GALK2: variants seen among roughly 807,000 people sequenced by gnomAD.
The protein encoded by GALK2 is N-acetylgalactosamine kinase.
In GALK2, 36 loss-of-function variants were observed where a neutral mutation model predicts 52.4. The ratio of observed to expected loss-of-function variants is 0.69; its 90% CI spans 0.53 to 0.91. The LOEUF (loss-of-function observed/expected upper bound fraction) is 0.91. Among genes scored for constraint, GALK2 ranks in the 40% least tolerant of loss-of-function variants. The pLI, the probability that GALK2 is intolerant of heterozygous loss-of-function variation, is 0.00. For synonymous variants in GALK2, 176 were observed against 199.1 expected, an observed-to-expected ratio of 0.88 and a Z score of 0.98; for missense variants, 579 against 559.1, an observed-to-expected ratio of 1.04 and a Z score of -0.36.
At chr15:49,348,693 A>G (rs1283373874) in intron 3 of GALK2, among the ~76,000 whole-genome samples, 1 of 152,172 alleles carries the variant, frequency 6.6e-6, no homozygotes, top group Admixed American at 6.5e-5. Context: ...ACACAAAATT[A>G]TTATCTGATC....
chr15:49,202,810 T>G (rs2087898231), intron 2 of GALK2, among the ~76,000 whole-genome samples: 1 of 152,226 alleles, frequency 6.6e-6, no homozygotes, highest in African/African-American at 2.4e-5. Context: ...TAATTTACTT[T>G]CCCACCAACA....
At chr15:49,299,784 T>A (rs4479173) in intron 8 of GALK2, among the ~76,000 whole-genome samples, 7 of 140,160 alleles carry the variant, frequency 5.0e-5, no homozygotes, top group Non-Finnish European at 9.2e-5. Flanking sequence ...TCTTTCTTTC[T>A]TTCTTTCTTT....
chr15:49,332,378 G>A (rs1332757173), downstream of GALK2, among the ~76,000 whole-genome samples: 1 of 152,212 alleles, frequency 6.6e-6, no homozygotes, highest in African/African-American at 2.4e-5. Flanking sequence ...GATGGAAAAG[G>A]CCAGTGGGTG....
At chr15:49,367,576 A>G in exon 4 of GALK2, 1 of 1,601,198 alleles carries the variant, frequency 6.2e-7, no homozygotes, top group Non-Finnish European at 8.5e-7. Context: ...AGAGAACACG[A>G]TTAAACTCTG....
intron 3 of GALK2, among the ~76,000 whole-genome samples, chr15:49,229,448 G>A (rs761914353): frequency 1.1e-4 from 17 of 152,294 alleles, no homozygotes; most frequent in East Asian, 7.7e-4. Flanking sequence ...ATTAGGCTGG[G>A]TGAGTTGGTC....
intron 5 of GALK2, among the ~76,000 whole-genome samples, chr15:49,258,227 C>T (rs1418604906): frequency 6.6e-6 from 1 of 151,762 alleles, no homozygotes; most frequent in Non-Finnish European, 1.5e-5. Context: ...ATGGAGCTTA[C>T]AATTAAGTGG....
At position 49,329,761 on chromosome 15, in the gene GALK2, G is replaced by T. The variant is rs188461311; in HGVS notation, c.*1602G>T. 5 of 963,520 alleles carry T rather than the reference G, an allele frequency of 5.2e-6. No homozygotes were observed. In the Admixed American group the frequency reaches 1.9e-4, roughly 36 times the overall value. The allele number at this position is 963,520 out of a possible 1,614,324, so 59.7% of individuals were successfully genotyped here. On this transcript the variant is annotated 3_prime_UTR_variant, in exon 10 of 10. Coordinates refer to ENST00000560031, the MANE Select transcript of GALK2 (RefSeq NM_002044.4). The stretch of plus-strand genomic sequence containing the variant: ...TAATACCGTGCCATTTTCCACAAAG[G>T]ATTTGTGGTTGGTATATAATTCTTT...
chr15:49,193,477 A>G (rs1041625162), intron 1 of GALK2, among the ~76,000 whole-genome samples: 2 of 151,344 alleles, frequency 1.3e-5, no homozygotes, highest in Non-Finnish European at 2.9e-5. Flanking sequence ...AAACATTTTT[A>G]TATAGTCAAC....
At chr15:49,180,000 T>A (rs1467241447) in intron 1 of GALK2, among the ~76,000 whole-genome samples, 2 of 152,168 alleles carry the variant, frequency 1.3e-5, no homozygotes, top group East Asian at 3.9e-4. Context: ...TTGTTTCCTT[T>A]TATAGCCTCC....
At chr15:49,323,857 G>T (rs2037108399) in intron 9 of GALK2, among the ~76,000 whole-genome samples, 2 of 152,046 alleles carry the variant, frequency 1.3e-5, no homozygotes, top group African/African-American at 4.8e-5. Context: ...ACAGAGTGAG[G>T]CTTTTTTAAA....
Position 49,156,641 on chromosome 15 carries a change from A to G in GALK2, c.20+625A>G, listed in dbSNP as rs543152347. On this transcript the variant is annotated intron_variant, in intron 1 of 9. Transcript: ENST00000327171. ...CCATCACTTTGATATGATAAATATTAAGAGCATTCCCAAAGGCAAAATTTC... is the reference window on the plus strand; with the variant it reads ...CCATCACTTTGATATGATAAATATTGAGAGCATTCCCAAAGGCAAAATTTC... 166 of 522,514 alleles carry G rather than the reference A, an allele frequency of 3.2e-4. 1 individual carries two copies. Among genetic ancestry groups the G allele is most frequent in the African/African-American group, 2.9e-3 (150 of 51,610 alleles). 32.4% of individuals were successfully genotyped at this position (522,514 alleles called of 1,614,324 possible). A position where few individuals can be genotyped will look rare whatever the true frequency, so the allele number is the denominator to read the frequency against.
chr15:49,219,272 A>AT (rs2141392478), intron 3 of GALK2, among the ~76,000 whole-genome samples: 1 of 152,258 alleles, frequency 6.6e-6, no homozygotes, highest in Non-Finnish European at 1.5e-5. Flanking sequence ...TGTTCTTGTG[A>AT]TAATGAATAA....
At chr15:49,187,849 G>A (rs1165044623) in intron 1 of GALK2, among the ~76,000 whole-genome samples, 3 of 152,004 alleles carry the variant, frequency 2.0e-5, no homozygotes, top group Admixed American at 2.0e-4. Context: ...CTCCTCTCTG[G>A]TCCAGCATGA....
At chr15:49,192,485 G>GTATGTATATA (rs1555400549) in intron 1 of GALK2, among the ~76,000 whole-genome samples, 4 of 102,976 alleles carry the variant, frequency 3.9e-5, no homozygotes, top group African/African-American at 1.6e-4. Flanking sequence ...ATATATATAT[G>GTATGTATATA]TATATATATA....
intron 3 of GALK2, among the ~76,000 whole-genome samples, chr15:49,357,091 A>G (rs2043286144): frequency 1.3e-5 from 2 of 151,420 alleles, no homozygotes; most frequent in Non-Finnish European, 2.9e-5. Flanking sequence ...AGCAGTGTGT[A>G]GAGGGAAATT....
At chr15:49,240,638 A>G (rs1218808426) in intron 5 of GALK2, among the ~76,000 whole-genome samples, 1 of 152,228 alleles carries the variant, frequency 6.6e-6, no homozygotes, top group Non-Finnish European at 1.5e-5. Flanking sequence ...GACATCAGAT[A>G]AGCATGTATT....
At chr15:49,170,646 T>G in intron 1 of GALK2, 2 of 434,412 alleles carry the variant, frequency 4.6e-6, no homozygotes, top group Non-Finnish European at 8.4e-6. Context: ...AGTGTACTCT[T>G]TCTACTGGGC....
Position 49,330,182 on chromosome 15 carries a change from GGGTATAGGCAAACAT to G in GALK2, c.*2027_*2041del, listed in dbSNP as rs1186480723. 1.3e-5 allele frequency: 2 copies of G among 152,282 alleles called. No homozygotes were observed. Among genetic ancestry groups the G allele is most frequent in the Non-Finnish European group, 2.9e-5 (2 of 68,092 alleles). 9.4% of individuals were successfully genotyped at this position (152,282 alleles called of 1,614,324 possible). A position where few individuals can be genotyped will look rare whatever the true frequency, so the allele number is the denominator to read the frequency against. On this transcript the variant is annotated 3_prime_UTR_variant, in exon 10 of 10. Coordinates refer to ENST00000560031, the MANE Select transcript of GALK2 (RefSeq NM_002044.4). ...CACACTGCAGATGAGCAAAGCCTAT[GGGTATAGGCAAACAT>G]GGTGTGTGTAGGAGGCTCAGTGAGA...
intron 9 of GALK2, among the ~76,000 whole-genome samples, chr15:49,324,249 T>A (rs2037139306): frequency 6.6e-6 from 1 of 152,150 alleles, no homozygotes; most frequent in Non-Finnish European, 1.5e-5. Flanking sequence ...TTTGTCTTCC[T>A]CAGAAGTCTT....
Sources: allele counts gnomAD v4.1 joint callset (sites outside exome capture counted in the v4.1 genomes callset), GRCh38; gene constraint gnomAD v4.1.1; transcripts MANE v1.5; gene names NCBI Gene and HGNC (gene_info 2026-07-23, HGNC 2026-07-21).